DLG2: variants seen among roughly 807,000 people sequenced by gnomAD.
DLG2 encodes the protein disks large homolog 2.
A neutral mutation model predicts 132.5 loss-of-function variants in DLG2; 45 were observed. That is an observed-to-expected ratio of 0.34 (90% CI 0.27 to 0.44). DLG2 has a LOEUF of 0.44. Among genes scored for constraint, DLG2 ranks in the 20% least tolerant of loss-of-function variants. The pLI, the probability that DLG2 is intolerant of heterozygous loss-of-function variation, is 1.00. For missense variants in DLG2, 1,045 were observed against 1,196.9 expected, an observed-to-expected ratio of 0.87 and a Z score of 1.87; for synonymous variants, 424 against 419.6, an observed-to-expected ratio of 1.01 and a Z score of -0.13.
intron 3 of DLG2, among the ~76,000 whole-genome samples, chr11:85,494,643 G>A (rs1281145781): frequency 4.0e-5 from 6 of 151,566 alleles, no homozygotes; most frequent in African/African-American, 1.2e-4. Flanking sequence ...CCTTCCCTGT[G>A]TTTTATCTTT....
In DLG2 at chr11:84,198,322, T is replaced by C. The variant is rs567252397; in HGVS notation, c.574-34811A>G. Reference sequence around the variant, plus strand: ...ATACTTTCACCACAAAATATAGGAGTAACAAAGTTAGAGCTTATACTTATT... The same window carrying C: ...ATACTTTCACCACAAAATATAGGAGCAACAAAGTTAGAGCTTATACTTATT... On this transcript the variant is annotated intron_variant, in intron 8 of 27. Transcript: ENST00000376104. Among the ~76,000 whole-genome samples the C allele has an allele frequency of 5.7e-4, 87 of 152,240 alleles. 1 individual carries two copies. The highest frequency in any genetic ancestry group is 2.0e-3 in the African/African-American group (85 of 41,558).
At chr11:84,786,950 A>C (rs972685508) in intron 6 of DLG2, among the ~76,000 whole-genome samples, 2 of 152,118 alleles carry the variant, frequency 1.3e-5, no homozygotes, top group Non-Finnish European at 2.9e-5. Context: ...TTGAAGAGTA[A>C]TGGCTTTGGT....
intron 6 of DLG2, among the ~76,000 whole-genome samples, chr11:84,708,700 T>C (rs932392299): frequency 1.3e-5 from 2 of 151,868 alleles, no homozygotes; most frequent in African/African-American, 4.8e-5. Flanking sequence ...TCAGCATTTT[T>C]ATTATAAAAC....
At chr11:83,859,975 T>C (rs1049491749) in intron 16 of DLG2, among the ~76,000 whole-genome samples, 1 of 152,180 alleles carries the variant, frequency 6.6e-6, no homozygotes, top group Admixed American at 6.5e-5. Flanking sequence ...CTTGGCAGCT[T>C]CCATGTGGTG....
At chr11:83,660,117 T>G (rs573002357) in intron 18 of DLG2, among the ~76,000 whole-genome samples, 20 of 152,342 alleles carry the variant, frequency 1.3e-4, no homozygotes, top group Admixed American at 5.9e-4. Flanking sequence ...AAAGAAAATG[T>G]GCAAAAGGAT....
intron 3 of DLG2, among the ~76,000 whole-genome samples, chr11:85,412,162 C>T (rs2089369298): frequency 1.3e-5 from 2 of 151,816 alleles, no homozygotes; most frequent in South Asian, 4.2e-4. Context: ...AAGCATATGG[C>T]CTAAGTCGGC....
Position 83,669,486 on chromosome 11 carries a change from C to T in DLG2, c.1826-36161G>A, listed in dbSNP as rs141768264. Among the ~76,000 whole-genome samples the T allele has an allele frequency of 5.9e-5, 9 of 152,220 alleles. No homozygotes were observed. In the East Asian group the frequency reaches 1.7e-3, roughly 29 times the overall value. ...ACATATATTATAGATATGCAATACA[C>T]AATTAAGGCTCACAAAAGAATACAA... On this transcript the variant is annotated intron_variant, in intron 18 of 27. Coordinates refer to ENST00000376104, the MANE Select transcript of DLG2 (RefSeq NM_001142699.3).
chr11:85,621,042 A>C (rs1421520960), intron 2 of DLG2, among the ~76,000 whole-genome samples: 1 of 152,256 alleles, frequency 6.6e-6, no homozygotes, highest in Non-Finnish European at 1.5e-5. Context: ...TGGTGACTTT[A>C]CGTTGAAGCC....
chr11:84,908,923 G>T (rs1337753969), intron 6 of DLG2, among the ~76,000 whole-genome samples: 1 of 151,514 alleles, frequency 6.6e-6, no homozygotes, highest in African/African-American at 2.4e-5. Flanking sequence ...AGAAACAAAG[G>T]CTAAGACTGG....
At chr11:85,611,120 C>T (rs1483555040) in intron 2 of DLG2, among the ~76,000 whole-genome samples, 1 of 152,186 alleles carries the variant, frequency 6.6e-6, no homozygotes, top group Non-Finnish European at 1.5e-5. Context: ...TACGCAGGCT[C>T]ATGGGATGAA....
At position 85,294,121 on chromosome 11, in the gene DLG2, G is replaced by A. The variant is rs150320887; in HGVS notation, c.41-8756C>T. 2.6e-5 allele frequency among the ~76,000 whole-genome samples: 4 copies of A among 152,104 alleles called. No homozygotes were observed. The East Asian group carries it at 7.8e-4, about 29-fold the overall frequency. ...GATATGCATATATATGTATATATGTGTATATGTGTGTATAGAGATACAGAG... is the reference window on the plus strand; with the variant it reads ...GATATGCATATATATGTATATATGTATATATGTGTGTATAGAGATACAGAG... On this transcript the variant is annotated intron_variant, in intron 3 of 27. Transcript: ENST00000376104.
intron 9 of DLG2, among the ~76,000 whole-genome samples, chr11:84,152,797 T>C (rs2095333474): frequency 6.6e-6 from 1 of 152,214 alleles, no homozygotes; most frequent in Admixed American, 6.5e-5. Context: ...GTCTTGTTTT[T>C]TTATCTAGCT....
At chr11:83,795,610 T>G (rs115502898) in intron 17 of DLG2, among the ~76,000 whole-genome samples, 4 of 152,246 alleles carry the variant, frequency 2.6e-5, no homozygotes, top group Admixed American at 6.5e-5. Flanking sequence ...CATCTTAATG[T>G]GAAGATGAGT....
At chr11:85,148,690 T>G (rs914584614) in intron 5 of DLG2, among the ~76,000 whole-genome samples, 9 of 152,216 alleles carry the variant, frequency 5.9e-5, no homozygotes, top group African/African-American at 2.2e-4. Context: ...TTGCCCCCAT[T>G]CTGTAGGTTG....
chr11:85,577,507 G>T (rs1038615879), intron 3 of DLG2, among the ~76,000 whole-genome samples: 4 of 152,130 alleles, frequency 2.6e-5, no homozygotes, highest in Non-Finnish European at 4.4e-5. Context: ...TGTGAGCAAA[G>T]GGAGGAATTA....
intron 6 of DLG2, among the ~76,000 whole-genome samples, chr11:85,097,365 A>T (rs545479381): frequency 3.3e-5 from 5 of 152,278 alleles, no homozygotes; most frequent in African/African-American, 4.8e-5. Flanking sequence ...GCCTAACAAA[A>T]GTTCTCCAAG....
At chr11:84,212,458 C>T (rs1471436356) in intron 8 of DLG2, among the ~76,000 whole-genome samples, 1 of 152,172 alleles carries the variant, frequency 6.6e-6, no homozygotes, top group Admixed American at 6.5e-5. Flanking sequence ...AAATGAATGG[C>T]CTCTAAGTTT....
intron 12 of DLG2, among the ~76,000 whole-genome samples, chr11:83,970,994 T>C (rs2154166279): frequency 6.6e-6 from 1 of 152,356 alleles, no homozygotes; most frequent in South Asian, 2.1e-4. Flanking sequence ...GGGTTAATTA[T>C]GTGTGTGCAT....
At chr11:83,678,893 G>A (rs1310279024) in intron 18 of DLG2, among the ~76,000 whole-genome samples, 4 of 152,104 alleles carry the variant, frequency 2.6e-5, no homozygotes, top group Non-Finnish European at 5.9e-5. Flanking sequence ...AGATGGCTCA[G>A]GAAAATGTGA....
Sources: allele counts gnomAD v4.1 joint callset (sites outside exome capture counted in the v4.1 genomes callset), GRCh38; gene constraint gnomAD v4.1.1; transcripts MANE v1.5; gene names NCBI Gene and HGNC (gene_info 2026-07-23, HGNC 2026-07-21).